CCSER1: variants seen among roughly 807,000 people sequenced by gnomAD.
CCSER1 encodes the protein serine-rich coiled-coil domain-containing protein 1.
In CCSER1, 41 loss-of-function variants were observed where a neutral mutation model predicts 82.0. The observed-to-expected ratio is 0.50, with a 90% CI of 0.39 to 0.65. The LOEUF (loss-of-function observed/expected upper bound fraction) is 0.65. Among genes scored for constraint, CCSER1 ranks in the 30% least tolerant of loss-of-function variants. CCSER1 has a pLI of 0.00. For synonymous variants in CCSER1, 414 were observed against 383.9 expected, an observed-to-expected ratio of 1.08 and a Z score of -0.92; for missense variants, 1,119 against 1,064.2, an observed-to-expected ratio of 1.05 and a Z score of -0.72.
At chr4:90,178,758 C>T (rs373047349) in intron 1 of CCSER1, among the ~76,000 whole-genome samples, 51 of 152,220 alleles carry the variant, frequency 3.4e-4, no homozygotes, top group African/African-American at 1.2e-3. Context: ...TTTCAAGGCT[C>T]ATGAACTGAT....
intron 8 of CCSER1, among the ~76,000 whole-genome samples, chr4:90,862,406 C>T (rs1420752454): frequency 6.6e-6 from 1 of 151,870 alleles, no homozygotes; most frequent in Non-Finnish European, 1.5e-5. Flanking sequence ...TGGCCATTTT[C>T]CAAATAAATC....
chr4:90,311,426 A>G (rs899999963), intron 2 of CCSER1, among the ~76,000 whole-genome samples: 3 of 152,130 alleles, frequency 2.0e-5, no homozygotes, highest in Admixed American at 6.5e-5. Flanking sequence ...CTGATTTGAT[A>G]ATGTGTTGGC....
chr4:90,857,621 C>T (rs1040741765), intron 8 of CCSER1, among the ~76,000 whole-genome samples: 1 of 152,048 alleles, frequency 6.6e-6, no homozygotes, highest in Admixed American at 6.6e-5. Context: ...CCACATCAGC[C>T]ACATGACATA....
intron 5 of CCSER1, among the ~76,000 whole-genome samples, chr4:90,567,434 A>G (rs1779539337): frequency 6.6e-6 from 1 of 151,392 alleles, no homozygotes; most frequent in African/African-American, 2.4e-5. Flanking sequence ...GGGTTTACAG[A>G]CATGCACCAC....
At chr4:91,366,235 G>T (rs972069260) in intron 10 of CCSER1, among the ~76,000 whole-genome samples, 1 of 152,132 alleles carries the variant, frequency 6.6e-6, no homozygotes, top group Non-Finnish European at 1.5e-5. Flanking sequence ...TAGCCAGGCT[G>T]GTCTCGAACT....
At chr4:91,505,563 A>T (rs1759440356) in intron 10 of CCSER1, among the ~76,000 whole-genome samples, 1 of 152,220 alleles carries the variant, frequency 6.6e-6, no homozygotes, top group Admixed American at 6.5e-5. Context: ...TCCCACTGAC[A>T]GTGTAAAAAC....
rs546125210 is a variant in CCSER1 at position 91,378,779 on chromosome 4, A to G, written c.2218-219793A>G. On this transcript the variant is annotated intron_variant, in intron 10 of 10. Coordinates refer to ENST00000509176, the MANE Select transcript of CCSER1 (RefSeq NM_001145065.2). ...CCTTATTGCCCTGGCCAGAACTTCC[A>G]ACCCTATGTTGAATAGGAGTGGTAA... Among the ~76,000 whole-genome samples the G allele has an allele frequency of 5.3e-5, 8 of 152,310 alleles. No individual in the cohort carries two copies. The South Asian group carries it at 1.7e-3, about 32-fold the overall frequency.
At chr4:91,272,834 C>A (rs1462894442) in intron 10 of CCSER1, among the ~76,000 whole-genome samples, 3 of 152,222 alleles carry the variant, frequency 2.0e-5, no homozygotes, top group Non-Finnish European at 4.4e-5. Context: ...TATCCCAACA[C>A]CATTTTTTGA....
At chr4:91,595,747 T>C (rs557698513) in intron 10 of CCSER1, among the ~76,000 whole-genome samples, 14 of 152,096 alleles carry the variant, frequency 9.2e-5, no homozygotes, top group African/African-American at 1.2e-4. Context: ...TAAGGTAGCA[T>C]TTGGGTCTTA....
chr4:90,234,941 C>G (rs919578), intron 1 of CCSER1: 92,725 of 151,568 alleles, frequency 0.61, 29,705 homozygotes, highest in East Asian at 0.83. Flanking sequence ...TTCCTTTGCT[C>G]TGCTCTCAGT....
At chr4:91,139,680 A>G (rs1379741940) in intron 10 of CCSER1, among the ~76,000 whole-genome samples, 1 of 152,182 alleles carries the variant, frequency 6.6e-6, no homozygotes, top group Non-Finnish European at 1.5e-5. Context: ...ATTTGTGTTA[A>G]CATTTAAGAG....
At chr4:90,540,887 A>G (rs1776017904) in intron 5 of CCSER1, among the ~76,000 whole-genome samples, 1 of 152,136 alleles carries the variant, frequency 6.6e-6, no homozygotes. Flanking sequence ...TTGTTTAGTA[A>G]GCAATCAATA....
At chr4:91,382,219 C>T (rs141473032) in intron 10 of CCSER1, among the ~76,000 whole-genome samples, 1 of 152,100 alleles carries the variant, frequency 6.6e-6, no homozygotes, top group African/African-American at 2.4e-5. Context: ...ACTCTCTTCA[C>T]AGCTGTCAGA....
chr4:91,132,895 C>A (rs1470407456), intron 10 of CCSER1, among the ~76,000 whole-genome samples: 1 of 152,150 alleles, frequency 6.6e-6, no homozygotes, highest in Non-Finnish European at 1.5e-5. Context: ...TTCATAACGT[C>A]AACAAGCAAT....
intron 7 of CCSER1, among the ~76,000 whole-genome samples, chr4:90,774,984 T>C (rs372808967): frequency 1.3e-5 from 2 of 152,278 alleles, no homozygotes; most frequent in East Asian, 3.9e-4. Flanking sequence ...TACAAATTGC[T>C]AATCAATGTT....
intron 1 of CCSER1, among the ~76,000 whole-genome samples, chr4:90,233,401 C>T (rs1188894135): frequency 1.3e-5 from 2 of 151,980 alleles, no homozygotes; most frequent in South Asian, 2.1e-4. Context: ...CATATTCTCA[C>T]TCATAGGTGG....
chr4:90,416,321 C>G (rs991370146), intron 4 of CCSER1, among the ~76,000 whole-genome samples: 1 of 152,096 alleles, frequency 6.6e-6, no homozygotes, highest in Admixed American at 6.6e-5. Flanking sequence ...CTCACAATAA[C>G]TCTGAGAGAA....
intron 10 of CCSER1, among the ~76,000 whole-genome samples, chr4:91,216,942 T>C (rs1475885449): frequency 1.3e-5 from 2 of 152,092 alleles, no homozygotes; most frequent in Admixed American, 6.6e-5. Flanking sequence ...TAGGGGGTAT[T>C]GTGTCCGGAA....
intron 8 of CCSER1, among the ~76,000 whole-genome samples, chr4:90,904,012 G>A (rs1364478276): frequency 6.6e-6 from 1 of 151,860 alleles, no homozygotes; most frequent in Non-Finnish European, 1.5e-5. Context: ...AAACAAAACT[G>A]TACATGAAGT....
Sources: allele counts gnomAD v4.1 joint callset (sites outside exome capture counted in the v4.1 genomes callset), GRCh38; gene constraint gnomAD v4.1.1; transcripts MANE v1.5; gene names NCBI Gene and HGNC (gene_info 2026-07-23, HGNC 2026-07-21).